SHROOM3: variants seen among roughly 807,000 people sequenced by gnomAD.
The protein encoded by SHROOM3 is protein Shroom3.
Under a neutral mutation model 138.6 loss-of-function variants are expected in SHROOM3, and 47 were observed. That is an observed-to-expected ratio of 0.34 (90% CI 0.27 to 0.43). The LOEUF (loss-of-function observed/expected upper bound fraction) is 0.43, where lower values mean the gene tolerates loss of function less well. Ranked by LOEUF, SHROOM3 falls within the 20% of genes least tolerant of loss-of-function variation. The pLI is 1.00. For missense variants in SHROOM3, 2,491 were observed against 2,596.5 expected, an observed-to-expected ratio of 0.96 and a Z score of 0.88; for synonymous variants, 1,062 against 1,063.3, an observed-to-expected ratio of 1.00 and a Z score of 0.02.
intron 1 of SHROOM3, among the ~76,000 whole-genome samples, chr4:76,483,794 A>G (rs555302110): frequency 3.9e-5 from 6 of 152,324 alleles, no homozygotes; most frequent in East Asian, 3.9e-4. Context: ...CGTATATACC[A>G]TGGAATAATA....
intron 2 of SHROOM3, among the ~76,000 whole-genome samples, chr4:76,614,167 G>T (rs532494238): frequency 6.6e-6 from 1 of 152,208 alleles, no homozygotes; most frequent in South Asian, 2.1e-4. Context: ...ACCTTCTCCC[G>T]CTTCAGCCTC....
intron 1 of SHROOM3, among the ~76,000 whole-genome samples, chr4:76,524,956 A>G (rs2110012578): frequency 6.6e-6 from 1 of 152,318 alleles, no homozygotes; most frequent in South Asian, 2.1e-4. Context: ...TCTGGAATAA[A>G]TGCCCAGAAG....
At chr4:76,699,242 G>A (rs963678738) in intron 2 of SHROOM3, among the ~76,000 whole-genome samples, 2 of 152,208 alleles carry the variant, frequency 1.3e-5, no homozygotes, top group Admixed American at 6.5e-5. Flanking sequence ...AAGACTGGAG[G>A]TCAGAAGCTG....
rs139431423 is a variant in SHROOM3, at chr4:76,632,463, G to C, written c.323+76700G>C. 7.2e-5 allele frequency among the ~76,000 whole-genome samples: 11 copies of C among 152,260 alleles called. No homozygotes were observed. The East Asian group carries it at 1.2e-3, about 16-fold the overall frequency. On this transcript the variant is annotated intron_variant, in intron 2 of 10. Coordinates refer to ENST00000296043, the MANE Select transcript of SHROOM3 (RefSeq NM_020859.4). ...GTCAAGAAAAGAAAGTGTTTAAGGA[G>C]GCAATAGTGAGCTGTGATGAATGCT...
chr4:76,590,872 A>C (rs1180309987), intron 2 of SHROOM3, among the ~76,000 whole-genome samples: 1 of 152,046 alleles, frequency 6.6e-6, no homozygotes, highest in Non-Finnish European at 1.5e-5. Flanking sequence ...CGGCAGCTGC[A>C]TTTTTCCCCC....
At chr4:76,464,927 T>C (rs1731222043) in intron 1 of SHROOM3, among the ~76,000 whole-genome samples, 1 of 152,140 alleles carries the variant, frequency 6.6e-6, no homozygotes, top group South Asian at 2.1e-4. Flanking sequence ...AATTACCCAA[T>C]CTCAGGTAGT....
At chr4:76,706,729 C>T (rs1362174242) in intron 2 of SHROOM3, among the ~76,000 whole-genome samples, 3 of 152,240 alleles carry the variant, frequency 2.0e-5, no homozygotes, top group African/African-American at 7.2e-5. Context: ...TTGAGCAACT[C>T]TCTGTTCCAG....
chr4:76,438,738 C>T (rs1218795829), intron 1 of SHROOM3, among the ~76,000 whole-genome samples: 1 of 148,472 alleles, frequency 6.7e-6, no homozygotes, highest in Non-Finnish European at 1.5e-5. Flanking sequence ...CTTTTTAGGG[C>T]AGGGACTATT....
intron 1 of SHROOM3, among the ~76,000 whole-genome samples, chr4:76,519,602 G>A (rs1384419570): frequency 5.9e-5 from 9 of 152,102 alleles, no homozygotes; most frequent in African/African-American, 1.2e-4. Context: ...GTAGAGGGCC[G>A]TTCCAGTGCT....
chr4:76,553,687 C>T (rs1353975973), intron 1 of SHROOM3, among the ~76,000 whole-genome samples: 1 of 152,058 alleles, frequency 6.6e-6, no homozygotes, highest in South Asian at 2.1e-4. Flanking sequence ...GACAGGGTTT[C>T]ACCACATTGC....
intron 1 of SHROOM3, among the ~76,000 whole-genome samples, chr4:76,529,548 A>G (rs1338086975): frequency 1.3e-5 from 2 of 151,934 alleles, no homozygotes; most frequent in Non-Finnish European, 1.5e-5. Flanking sequence ...GATGGTCTCG[A>G]TCTCCTGACC....
At chr4:76,772,873 G>C (rs1401778996) in intron 10 of SHROOM3, among the ~76,000 whole-genome samples, 1 of 152,162 alleles carries the variant, frequency 6.6e-6, no homozygotes, top group Non-Finnish European at 1.5e-5. Context: ...AGGTGGGGGA[G>C]CGTAAGGCAG....
At chr4:76,746,611 A>T (rs887834017) in intron 5 of SHROOM3, among the ~76,000 whole-genome samples, 2 of 152,006 alleles carry the variant, frequency 1.3e-5, no homozygotes, top group Non-Finnish European at 2.9e-5. Context: ...ACATGACTGT[A>T]TTTTTCACAT....
chr4:76,776,267 A>C (rs1722565665), intron 10 of SHROOM3, among the ~76,000 whole-genome samples: 1 of 152,092 alleles, frequency 6.6e-6, no homozygotes, highest in East Asian at 1.9e-4. Flanking sequence ...TCTTCTTTTG[A>C]GAATTGTCTA....
intron 2 of SHROOM3, among the ~76,000 whole-genome samples, chr4:76,627,682 A>G (rs537078191): frequency 1.3e-5 from 2 of 149,100 alleles, no homozygotes; most frequent in East Asian, 4.0e-4. Flanking sequence ...TTTTTTTAGA[A>G]ATGGGGTCTT....
At chr4:76,459,711 T>G (rs1731102911) in intron 1 of SHROOM3, among the ~76,000 whole-genome samples, 1 of 152,130 alleles carries the variant, frequency 6.6e-6, no homozygotes, top group Non-Finnish European at 1.5e-5. Flanking sequence ...TGCATTGTTG[T>G]CCCTCAGGAT....
intron 1 of SHROOM3, among the ~76,000 whole-genome samples, chr4:76,540,578 A>T (rs1733077106): frequency 6.6e-6 from 1 of 152,196 alleles, no homozygotes; most frequent in African/African-American, 2.4e-5. Flanking sequence ...AGATCGAACC[A>T]TTGGACACTC....
intron 1 of SHROOM3, among the ~76,000 whole-genome samples, chr4:76,497,528 G>A (rs13106227): frequency 0.57 from 86,757 of 152,012 alleles, 25,616 homozygotes; most frequent in Non-Finnish European, 0.64. Flanking sequence ...TAATCCACAG[G>A]TCCTACAGCA....
At chr4:76,596,581 A>AAC (rs58214296) in intron 2 of SHROOM3, among the ~76,000 whole-genome samples, 8,693 of 138,050 alleles carry the variant, frequency 0.063, 268 homozygotes, top group East Asian at 0.096. Flanking sequence ...GGTACAGAGA[A>AAC]ACACACACAC....
Sources: allele counts gnomAD v4.1 joint callset (sites outside exome capture counted in the v4.1 genomes callset), GRCh38; gene constraint gnomAD v4.1.1; transcripts MANE v1.5; gene names NCBI Gene and HGNC (gene_info 2026-07-23, HGNC 2026-07-21).